SGPP2: variants seen among roughly 807,000 people sequenced by gnomAD.
The protein encoded by SGPP2 is sphingosine 1-phosphate phosphohydrolase 2.
SGPP2 carries 30 observed loss-of-function variants against 33.9 expected under a neutral mutation model. The observed-to-expected ratio is 0.89, with a 90% CI of 0.66 to 1.20. The LOEUF (loss-of-function observed/expected upper bound fraction) is 1.20, where lower values mean the gene tolerates loss of function less well. SGPP2 is among the 50% of genes most tolerant of loss of function. The pLI is 0.00. For synonymous variants in SGPP2, 233 were observed against 225.0 expected (o/e 1.04, Z -0.32); for missense variants, 458 against 532.1 (o/e 0.86, Z 1.37).
chr2:222,436,162 G>T (rs1697236910), intron 1 of SGPP2, among the ~76,000 whole-genome samples: 1 of 152,218 alleles, frequency 6.6e-6, no homozygotes, highest in African/African-American at 2.4e-5. Flanking sequence ...GGTAGGAGGA[G>T]CCCAAAGTGT....
intron 4 of SGPP2, among the ~76,000 whole-genome samples, chr2:222,549,921 G>A (rs551934266): frequency 1.2e-4 from 18 of 147,390 alleles, no homozygotes; most frequent in East Asian, 7.9e-4. Context: ...TCTGTCACCC[G>A]GGCTGAATAC....
intron 4 of SGPP2, among the ~76,000 whole-genome samples, chr2:222,543,629 T>G (rs1029434789): frequency 4.6e-5 from 7 of 152,220 alleles, no homozygotes; most frequent in Non-Finnish European, 7.3e-5. Context: ...CACCTATTTT[T>G]GGACTACAGT....
intron 2 of SGPP2, among the ~76,000 whole-genome samples, chr2:222,496,490 G>C (rs4673025): frequency 2.0e-5 from 3 of 152,116 alleles, no homozygotes; most frequent in Non-Finnish European, 2.9e-5. Flanking sequence ...CCTCGAGCTA[G>C]TCTTATACCT....
chr2:222,497,250 CTTTTTT>C (rs57363978), intron 2 of SGPP2, among the ~76,000 whole-genome samples: 1 of 118,570 alleles, frequency 8.4e-6, no homozygotes, highest in African/African-American at 3.1e-5. Context: ...TCTCTTTCTT[CTTTTTT>C]TTTTTTTTTT....
At chr2:222,436,288 C>T (rs1173016960) in intron 1 of SGPP2, among the ~76,000 whole-genome samples, 6 of 152,158 alleles carry the variant, frequency 3.9e-5, no homozygotes, top group Admixed American at 6.5e-5. Flanking sequence ...GTCACAGGAA[C>T]AGGAAGCAAA....
intron 2 of SGPP2, among the ~76,000 whole-genome samples, chr2:222,516,488 A>C (rs1698604719): frequency 1.3e-5 from 2 of 152,236 alleles, no homozygotes; most frequent in Non-Finnish European, 2.9e-5. Context: ...ATGAACATTC[A>C]TATATGAGTA....
At chr2:222,485,104 A>C (rs911676231) in intron 2 of SGPP2, among the ~76,000 whole-genome samples, 4 of 152,150 alleles carry the variant, frequency 2.6e-5, no homozygotes, top group Non-Finnish European at 5.9e-5. Context: ...AGTAAATAGA[A>C]TAGGTAGTGT....
At chr2:222,492,122 T>C (rs1698206671) in intron 2 of SGPP2, among the ~76,000 whole-genome samples, 1 of 152,192 alleles carries the variant, frequency 6.6e-6, no homozygotes, top group Non-Finnish European at 1.5e-5. Flanking sequence ...AGACACATGG[T>C]GCAAGCTGTC....
intron 1 of SGPP2, among the ~76,000 whole-genome samples, chr2:222,436,087 C>G (rs1574829414): frequency 6.6e-6 from 1 of 152,202 alleles, no homozygotes; most frequent in East Asian, 1.9e-4. Flanking sequence ...GAAGTATCAT[C>G]TTGATAGTCT....
intron 4 of SGPP2, among the ~76,000 whole-genome samples, chr2:222,540,126 A>G (rs1698969798): frequency 6.6e-6 from 1 of 152,190 alleles, no homozygotes; most frequent in Non-Finnish European, 1.5e-5. Context: ...GAAATGCTTG[A>G]AACTAGGAGT....
intron 4 of SGPP2, among the ~76,000 whole-genome samples, chr2:222,543,218 A>G (rs1287473305): frequency 6.6e-6 from 1 of 152,210 alleles, no homozygotes; most frequent in Non-Finnish European, 1.5e-5. Flanking sequence ...ATTTAGATCT[A>G]TAATCTACAT....
chr2:222,437,828 T>G (rs1303747984), intron 1 of SGPP2, among the ~76,000 whole-genome samples: 1 of 152,206 alleles, frequency 6.6e-6, no homozygotes, highest in Non-Finnish European at 1.5e-5. Context: ...AGTAGTTATC[T>G]GCAGAAAATG....
chr2:222,427,096 G>A (rs897387969), intron 1 of SGPP2, among the ~76,000 whole-genome samples: 1 of 152,080 alleles, frequency 6.6e-6, no homozygotes, highest in Admixed American at 6.5e-5. Flanking sequence ...ATGTGCCTTT[G>A]TGTGGATATC....
chr2:222,462,672 C>CA (rs1279528050), intron 1 of SGPP2, among the ~76,000 whole-genome samples: 1 of 152,110 alleles, frequency 6.6e-6, no homozygotes, highest in Non-Finnish European at 1.5e-5. Context: ...CACCTGCACT[C>CA]ACGATTATGC....
intron 1 of SGPP2, among the ~76,000 whole-genome samples, chr2:222,431,075 C>A (rs921754220): frequency 6.6e-6 from 1 of 151,824 alleles, no homozygotes; most frequent in Admixed American, 6.6e-5. Context: ...ATGTATCATA[C>A]CAACATAAGA....
chr2:222,483,066 G>A (rs1396598663), intron 2 of SGPP2, among the ~76,000 whole-genome samples: 1 of 152,108 alleles, frequency 6.6e-6, no homozygotes, highest in Non-Finnish European at 1.5e-5. Context: ...AGGAAAGTTG[G>A]GCGGGACAAC....
chr2:222,424,242 T>G (rs1295372941), upstream of SGPP2, among the ~76,000 whole-genome samples: 6 of 136,608 alleles, frequency 4.4e-5, no homozygotes, highest in East Asian at 1.3e-3. Flanking sequence ...CTCCCATTAG[T>G]GTTACGTCTG....
rs189346354 is a variant in SGPP2 at position 222,524,813 on chromosome 2, T to C, written c.559-131T>C. The C allele has an allele frequency of 1.5e-4, 101 of 690,828 alleles. 1 individual carries two copies. The East Asian group carries it at 2.6e-3, about 18-fold the overall frequency. The allele number at this position is 690,828 out of a possible 1,614,324, so 42.8% of individuals were successfully genotyped here. On this transcript the variant is annotated intron_variant, in intron 3 of 4. Transcript: ENST00000321276. ...AAAAAAAAGTTTTAAGTTAATCAGA[T>C]TGCTGGTCTGGGGAATGCAAGATTT...
intron 2 of SGPP2, among the ~76,000 whole-genome samples, chr2:222,512,565 G>C (rs576583011): frequency 4.6e-5 from 7 of 152,072 alleles, no homozygotes; most frequent in African/African-American, 1.2e-4. Context: ...GTAGAATGAC[G>C]TGTCTATCCT....
Sources: allele counts gnomAD v4.1 joint callset (sites outside exome capture counted in the v4.1 genomes callset), GRCh38; gene constraint gnomAD v4.1.1; transcripts MANE v1.5; gene names NCBI Gene and HGNC (gene_info 2026-07-23, HGNC 2026-07-21).